Variants in ITPR2 observed in about 807,000 individuals in gnomAD.
ITPR2 encodes the protein inositol 1,4,5-trisphosphate receptor type 2.
ITPR2 carries 207 observed loss-of-function variants against 317.1 expected under a neutral mutation model. The ratio of observed to expected loss-of-function variants is 0.65; its 90% CI spans 0.58 to 0.73. The LOEUF (loss-of-function observed/expected upper bound fraction) is 0.73. ITPR2 is among the 30% of genes least tolerant of loss of function. ITPR2 has a pLI of 0.00. For missense variants in ITPR2, 2,613 were observed against 3,284.0 expected (o/e 0.80, Z 4.99); for synonymous variants, 1,156 against 1,149.1 (o/e 1.01, Z -0.12).
In ITPR2 at chr12:26,711,254, G is replaced by A. The variant is rs1312839384; in HGVS notation, c.870C>T (p.Asp290=). 2 of 1,613,128 alleles carry A rather than the reference G, an allele frequency of 1.2e-6. No individual in the cohort carries two copies. The highest frequency in any genetic ancestry group is 1.7e-5 in the Admixed American group (1 of 59,994). Residue 290 remains aspartate, a synonymous_variant, in exon 9 of 57, where the codon GAC becomes GAT. Transcript: ENST00000381340. ...ACTGTCCTGCACCCCCACGGCATGG[G>A]TCATGATGAACCACCTACAAAGAGA... The part of the protein sequence containing the change: ...ALWEIEVVHH[D]PCRGGAGQWN...
At chr12:26,596,816 G>A in intron 31 of ITPR2, 67 bp downstream of exon 31, 6 of 1,335,550 alleles carry the variant, frequency 4.5e-6, no homozygotes. Flanking sequence ...GGGACTTCTG[G>A]CACCTAGATA....
chr12:26,390,223 G>C (rs1393619577), intron 54 of ITPR2, among the ~76,000 whole-genome samples: 1 of 152,226 alleles, frequency 6.6e-6, no homozygotes, highest in African/African-American at 2.4e-5. Context: ...TGGTTAAACA[G>C]AGAGTTACCA....
chr12:26,383,647 C>T (rs536674896), intron 55 of ITPR2, among the ~76,000 whole-genome samples: 18 of 123,208 alleles, frequency 1.5e-4, no homozygotes, highest in Non-Finnish European at 2.3e-4. Flanking sequence ...CCACGCCTGG[C>T]TAATTTTTTT....
rs1432265277 is a variant in ITPR2 at position 26,817,324 on chromosome 12, A to T, written c.92+15366T>A. ...TGTAATGACATGTTATTCAAATGTG[A>T]GCAAACAAAAGAGAAACTTCAAATC... On this transcript the variant is annotated intron_variant, in intron 1 of 56. Transcript: ENST00000381340. 2.0e-5 allele frequency among the ~76,000 whole-genome samples: 3 copies of T among 152,298 alleles called. No individual in the cohort carries two copies. The East Asian group carries it at 5.8e-4, about 29-fold the overall frequency.
intron 49 of ITPR2, chr12:26,419,782 T>C (rs1283021233): frequency 6.6e-6 from 1 of 152,150 alleles, no homozygotes; most frequent in Non-Finnish European, 1.5e-5. Context: ...TCAGGAAATG[T>C]CCAGAGATCT....
chr12:26,523,104 T>C (rs1943709150), intron 37 of ITPR2, among the ~76,000 whole-genome samples: 1 of 152,320 alleles, frequency 6.6e-6, no homozygotes, highest in East Asian at 1.9e-4. Flanking sequence ...CTCACATCAT[T>C]GATTTTGGTT....
chr12:26,718,697 C>T (rs1948784381), intron 5 of ITPR2, among the ~76,000 whole-genome samples: 1 of 151,980 alleles, frequency 6.6e-6, no homozygotes, highest in South Asian at 2.1e-4. Flanking sequence ...GCAACCTCTG[C>T]TTCCCAGGTT....
At position 26,480,495 on chromosome 12, in the gene ITPR2, T is replaced by C. The variant is rs189961719; in HGVS notation, c.6123+636A>G. Among the ~76,000 whole-genome samples, 1,199 of 152,320 alleles carry C rather than the reference T, an allele frequency of 7.9e-3. 15 individuals carry two copies. The highest frequency in any genetic ancestry group is 0.024 in the Middle Eastern group (7 of 294). ...TCTGGGTGGAATTCTGTAGTCAATG[T>C]GTTTTAAAAATACATCAGCACCTTT... is the stretch of plus-strand genomic sequence containing the variant. On this transcript the variant is annotated intron_variant, in intron 43 of 56. Transcript: ENST00000381340.
intron 52 of ITPR2, among the ~76,000 whole-genome samples, chr12:26,403,027 C>T (rs903289960): frequency 5.9e-5 from 9 of 152,104 alleles, no homozygotes; most frequent in Admixed American, 3.3e-4. Context: ...CAGGATGCTG[C>T]GGAGGCAAAA....
At chr12:26,415,259 A>G (rs1940685548) in intron 51 of ITPR2, 44 bp downstream of exon 51, 2 of 1,285,770 alleles carry the variant, frequency 1.6e-6, no homozygotes, top group African/African-American at 1.5e-5. Flanking sequence ...CACACAAGTC[A>G]TATCTGCCAT....
chr12:26,378,439 A>T (rs1939408728), intron 55 of ITPR2, among the ~76,000 whole-genome samples: 1 of 152,150 alleles, frequency 6.6e-6, no homozygotes, highest in Non-Finnish European at 1.5e-5. Flanking sequence ...GTGGGATGAA[A>T]TGAGACTGGT....
chr12:26,656,232 G>A, intron 19 of ITPR2, 65 bp downstream of exon 19: 1 of 1,575,094 alleles, frequency 6.3e-7, no homozygotes, highest in South Asian at 1.2e-5. Context: ...TTTCAAAACT[G>A]TAGACATTTG....
chr12:26,366,293 C>T (rs1813527427), intron 55 of ITPR2, among the ~76,000 whole-genome samples: 1 of 152,106 alleles, frequency 6.6e-6, no homozygotes, highest in South Asian at 2.1e-4. Flanking sequence ...CAATTTCATG[C>T]CCTGTGCAAC....
chr12:26,683,227 C>A (rs543412968), intron 11 of ITPR2, among the ~76,000 whole-genome samples: 19 of 152,284 alleles, frequency 1.2e-4, no homozygotes, highest in African/African-American at 4.3e-4. Context: ...ATTCAAGGAG[C>A]TTTTGTGGTC....
At chr12:26,798,191 T>C (rs1191237951) in intron 1 of ITPR2, among the ~76,000 whole-genome samples, 3 of 152,124 alleles carry the variant, frequency 2.0e-5, no homozygotes, top group African/African-American at 7.2e-5. Context: ...CTCTTTCACC[T>C]GCACTTAGAA....
chr12:26,478,254 T>A (rs563355063), intron 43 of ITPR2, among the ~76,000 whole-genome samples: 1 of 152,272 alleles, frequency 6.6e-6, no homozygotes, highest in African/African-American at 2.4e-5. Context: ...TGACTCATTA[T>A]GAAAAGACGT....
chr12:26,657,923 C>G (rs1284509853), intron 17 of ITPR2, 31 bp from the exon 18 acceptor site: 1 of 1,607,758 alleles, frequency 6.2e-7, no homozygotes, highest in East Asian at 2.2e-5. Flanking sequence ...CAAAAATCTA[C>G]TAAAAAGTAC....
chr12:26,359,909 C>A (rs774040202), intron 55 of ITPR2, among the ~76,000 whole-genome samples: 1 of 152,142 alleles, frequency 6.6e-6, no homozygotes, highest in African/African-American at 2.4e-5. Flanking sequence ...AATGAGGAAC[C>A]CATTCTTCTG....
At chr12:26,438,512 C>T (rs1941412761) in intron 47 of ITPR2, among the ~76,000 whole-genome samples, 1 of 152,082 alleles carries the variant, frequency 6.6e-6, no homozygotes. Flanking sequence ...TTTAAAAATT[C>T]TAAAATTTTA....
Sources: allele counts gnomAD v4.1 joint callset (sites outside exome capture counted in the v4.1 genomes callset), GRCh38; gene constraint gnomAD v4.1.1; transcripts MANE v1.5; gene names NCBI Gene and HGNC (gene_info 2026-07-23, HGNC 2026-07-21).